Variants in TPGS2 observed in about 807,000 individuals in gnomAD.
The protein encoded by TPGS2 is tubulin polyglutamylase complex subunit 2, also known as polyglutamylase subunit 2.
A neutral mutation model predicts 31.1 loss-of-function variants in TPGS2; 26 were observed. The ratio of observed to expected loss-of-function variants is 0.84; its 90% confidence interval spans 0.61 to 1.16. TPGS2 has a LOEUF of 1.16. Among genes scored for constraint, TPGS2 ranks in the 50% most tolerant of loss-of-function variants. The probability of loss-of-function intolerance (pLI) is 0.00; values close to 1 mark genes in which losing one functional copy is unlikely to be tolerated. For synonymous variants in TPGS2, 130 were observed against 136.6 expected, an observed-to-expected ratio of 0.95 and a Z score of 0.34; for missense variants, 351 against 363.8, an observed-to-expected ratio of 0.96 and a Z score of 0.29.
Position 36,797,025 on chromosome 18 carries a change from A to G in TPGS2, c.683T>C (p.Ile228Thr), listed in dbSNP as rs2044562711. ...AKQWFSMYKP[I>T]TYNTNLLTEE... ...TGTGAGCAGGTTTGTGTTGTAGGTG[A>G]TAGGTTTATACATGCTGAACCATTG... The change falls in exon 7 of 7, where the codon ATC becomes ACC. Residue 228 changes from isoleucine (I) to threonine (T), a missense_variant. Coordinates refer to ENST00000334295, the MANE Select transcript of TPGS2 (RefSeq NM_015476.4). 1.3e-6 allele frequency: 2 copies of G among 1,597,566 alleles called. No individual in the cohort carries two copies. Among genetic ancestry groups the G allele is most frequent in the Non-Finnish European group, 8.5e-7 (1 of 1,175,354 alleles).
At chr18:36,799,697 G>A (rs2044710832) in intron 5 of TPGS2, among the ~76,000 whole-genome samples, 1 of 152,134 alleles carries the variant, frequency 6.6e-6, no homozygotes, top group Non-Finnish European at 1.5e-5. Flanking sequence ...CCATTGTCCA[G>A]CTCTGTAGTT....
At position 36,796,850 on chromosome 18, in the gene TPGS2, G is replaced by A. The variant is rs776543586; in HGVS notation, c.858C>T (p.Ser286=). The change falls in exon 7 of 7, where the codon TCC becomes TCT. Residue 286 remains serine, a synonymous_variant. Coordinates refer to ENST00000334295, the MANE Select transcript of TPGS2 (RefSeq NM_015476.4). ...CAGAGCCAGAGGAGGATTTAGAAGTGGAGGAAGTGGAGGGACCGGAGGGTC... is the reference window on the plus strand; with the variant it reads ...CAGAGCCAGAGGAGGATTTAGAAGTAGAGGAAGTGGAGGGACCGGAGGGTC... The part of the protein sequence containing the change: ...PSGPSGPSTS[S]TSKSSSGSGN... 1.2e-6 allele frequency: 2 copies of A among 1,606,976 alleles called. No individual in the cohort carries two copies. The highest frequency in any genetic ancestry group is 2.2e-5 in the South Asian group (2 of 89,192).
chr18:36,780,988 A>G (rs1017344702), downstream of TPGS2, among the ~76,000 whole-genome samples: 1 of 152,228 alleles, frequency 6.6e-6, no homozygotes, highest in Admixed American at 6.5e-5. Flanking sequence ...GACAGCTACA[A>G]TGTCACTGGT....
At chr18:36,784,363 C>T (rs1210852535) in intron 6 of TPGS2, among the ~76,000 whole-genome samples, 1 of 152,226 alleles carries the variant, frequency 6.6e-6, no homozygotes, top group Non-Finnish European at 1.5e-5. Context: ...AAGGAGTCAT[C>T]TACTGAAATT....
chr18:36,796,797 A>AG lies in TPGS2; in HGVS notation c.*7dup. On this transcript the variant is annotated 3_prime_UTR_variant, in exon 7 of 7. Transcript: ENST00000334295. ...CTGGAGCTGGTAGGGAGTTGGAGGG[A>AG]GGGGTGCTCACTTCCGGGTGGGGTT... The AG allele has an allele frequency of 6.3e-7, 1 of 1,590,966 alleles. No individual in the cohort carries two copies.
chr18:36,810,691 T>C (rs112129887), intron 2 of TPGS2, among the ~76,000 whole-genome samples: 45 of 152,342 alleles, frequency 3.0e-4, no homozygotes, highest in African/African-American at 1.0e-3. Context: ...TTCTGTCACA[T>C]AGTTCCTAAT....
intron 4 of TPGS2, 21 bp from the exon 5 acceptor site, chr18:36,800,332 G>C: frequency 6.2e-7 from 1 of 1,607,460 alleles, no homozygotes. Context: ...AGAAGTTAAT[G>C]GTAATGTTCA....
rs2044481352 is a variant in TPGS2, at chr18:36,795,374, G to A, written c.*1431C>T. On this transcript the variant is annotated 3_prime_UTR_variant, in exon 7 of 7. Transcript: ENST00000334295. The stretch of plus-strand genomic sequence containing the variant: ...GAAAGAGAATGAGCCAGCTGGGACT[G>A]AAGTGTGCAGATGGTAGAGGCCCCT... 2 of 985,468 alleles carry A rather than the reference G, an allele frequency of 2.0e-6. No homozygotes were observed. The highest frequency in any genetic ancestry group is 4.7e-5 in the South Asian group (1 of 21,282). 61.0% of individuals were successfully genotyped at this position (985,468 alleles called of 1,614,324 possible).
chr18:36,785,279 A>C (rs908564238), intron 6 of TPGS2, among the ~76,000 whole-genome samples: 4 of 152,328 alleles, frequency 2.6e-5, no homozygotes, highest in South Asian at 2.1e-4. Context: ...AGCCTGGGTA[A>C]CGAGTGAAAC....
chr18:36,796,633 A>C lies in TPGS2; in HGVS notation c.*172T>G. 1 of 1,393,240 alleles carries C rather than the reference A, an allele frequency of 7.2e-7. No homozygotes were observed. Among genetic ancestry groups the C allele is most frequent in the South Asian group, 1.9e-5 (1 of 53,380 alleles). The allele number at this position is 1,393,240 out of a possible 1,614,324, so 86.3% of individuals were successfully genotyped here. A position where few individuals can be genotyped will look rare whatever the true frequency, so the allele number is the denominator to read the frequency against. ...CAGGGGACAGCACAACCTGCTCTGG[A>C]GGCCTCACTACGAGCCTGGCTAATG... is the stretch of plus-strand genomic sequence containing the variant. On this transcript the variant is annotated 3_prime_UTR_variant, in exon 7 of 7. Coordinates refer to ENST00000334295, the MANE Select transcript of TPGS2 (RefSeq NM_015476.4).
At position 36,796,648 on chromosome 18, in the gene TPGS2, C is replaced by A; in HGVS notation, c.*157G>T. 2.1e-6 allele frequency: 3 copies of A among 1,419,116 alleles called. No individual in the cohort carries two copies. The highest frequency in any genetic ancestry group is 2.7e-6 in the Non-Finnish European group (3 of 1,091,692). 87.9% of individuals were successfully genotyped at this position (1,419,116 alleles called of 1,614,324 possible). On this transcript the variant is annotated 3_prime_UTR_variant, in exon 7 of 7. Coordinates refer to ENST00000334295, the MANE Select transcript of TPGS2 (RefSeq NM_015476.4). ...CCTGCTCTGGAGGCCTCACTACGAG[C>A]CTGGCTAATGTCGGTGGGACTAAAA... is the stretch of plus-strand genomic sequence containing the variant.
At chr18:36,828,052 C>T (rs574727164) in intron 1 of TPGS2, among the ~76,000 whole-genome samples, 22 of 152,068 alleles carry the variant, frequency 1.4e-4, no homozygotes, top group Admixed American at 1.2e-3. Context: ...ACTAAAAATA[C>T]AAAAAAATAG....
chr18:36,810,816 C>CT (rs1461098256), intron 2 of TPGS2, among the ~76,000 whole-genome samples: 1 of 152,186 alleles, frequency 6.6e-6, no homozygotes, highest in Non-Finnish European at 1.5e-5. Context: ...ACCTGAGCCA[C>CT]TTTTTTGTTT....
Position 36,795,122 on chromosome 18 carries a change from G to A in TPGS2, c.*1683C>T. ...CACCTTGGTTTTCCTCAGGGGCTAT[G>A]GAAAGTGGTAGGTGGAGGAGATATC... is the stretch of plus-strand genomic sequence containing the variant. On this transcript the variant is annotated 3_prime_UTR_variant, in exon 7 of 7. Transcript: ENST00000334295. The A allele has an allele frequency of 1.0e-6, 1 of 985,410 alleles. No individual in the cohort carries two copies. The highest frequency in any genetic ancestry group is 1.2e-6 in the Non-Finnish European group (1 of 829,940). 61.0% of individuals were successfully genotyped at this position (985,410 alleles called of 1,614,324 possible).
intron 1 of TPGS2, chr18:36,823,957 A>G (rs1290880945): frequency 1.4e-6 from 1 of 706,360 alleles, no homozygotes; most frequent in African/African-American, 1.9e-5. Flanking sequence ...TTCGCATACC[A>G]TAATTTATAA....
At position 36,818,916 on chromosome 18, in the gene TPGS2, T is replaced by A; in HGVS notation, c.143A>T (p.His48Leu). 1 of 1,613,790 alleles carries A rather than the reference T, an allele frequency of 6.2e-7. No individual in the cohort carries two copies. Among genetic ancestry groups the A allele is most frequent in the South Asian group, 1.1e-5 (1 of 91,024 alleles). ...TACTTGTTCCCAGGAAGAAATCATATGACGTTCAGCAGGAGGCTTTTCTAT... is the reference window on the plus strand; with the variant it reads ...TACTTGTTCCCAGGAAGAAATCATAAGACGTTCAGCAGGAGGCTTTTCTAT... ...TIIEKPPAERHMISSWEQKNN... is the reference protein window; with the variant it reads ...TIIEKPPAERLMISSWEQKNN... Residue 48 changes from histidine (H) to leucine (L), a missense_variant, in exon 2 of 7, where the codon CAT becomes CTT. His to Leu is a moderately conservative substitution (Grantham distance 99). Transcript: ENST00000334295.
downstream of TPGS2, among the ~76,000 whole-genome samples, chr18:36,782,279 TC>T (rs2044036029): frequency 6.6e-6 from 1 of 152,222 alleles, no homozygotes; most frequent in Non-Finnish European, 1.5e-5. Flanking sequence ...GCAAGCAAGG[TC>T]AACTAATTTC....
intron 2 of TPGS2, among the ~76,000 whole-genome samples, chr18:36,810,110 T>G (rs933902987): frequency 6.6e-6 from 1 of 152,174 alleles, no homozygotes; most frequent in East Asian, 1.9e-4. Context: ...CATTCTAATT[T>G]AAACGACTAG....
intron 2 of TPGS2, chr18:36,818,403 C>CA (rs113255199): frequency 2.0e-3 from 247 of 120,690 alleles, no homozygotes; most frequent in Middle Eastern, 9.5e-3. Flanking sequence ...GACTCTGTCT[C>CA]AAAAAAAAAA....
Sources: gnomAD v4.1 joint callset for allele counts (sites outside exome capture counted in the v4.1 genomes callset) on GRCh38, gnomAD v4.1.1 for gene constraint, MANE v1.5 for transcripts, NCBI Gene and HGNC (gene_info 2026-07-23, HGNC 2026-07-21) for gene names.